CLVS1: variants seen among roughly 807,000 people sequenced by gnomAD.
The protein encoded by CLVS1 is clavesin 1.
Under a neutral mutation model 33.1 loss-of-function variants are expected in CLVS1, and 10 were observed. The observed-to-expected ratio is 0.30, with a 90% CI of 0.19 to 0.51. CLVS1 has a LOEUF of 0.51. CLVS1 is among the 20% of genes least tolerant of loss of function. The pLI, the probability that CLVS1 is intolerant of heterozygous loss-of-function variation, is 0.97. For synonymous variants in CLVS1, 163 were observed against 166.1 expected (o/e 0.98, Z 0.14); for missense variants, 343 against 433.4 (o/e 0.79, Z 1.85).
the CLVS1 span, among the ~76,000 whole-genome samples, chr8:60,989,566 T>C: frequency 6.6e-6 from 1 of 152,202 alleles, no homozygotes; most frequent in South Asian, 2.1e-4. Flanking sequence ...CCTGAAGCTA[T>C]GTGCTATTGC....
intron 2 of CLVS1, among the ~76,000 whole-genome samples, chr8:61,359,517 G>A (rs924902765): frequency 3.3e-5 from 5 of 151,978 alleles, no homozygotes; most frequent in Admixed American, 6.6e-5. Context: ...CATCATGCCC[G>A]GCTAATTTTT....
chr8:61,241,778 C>G (rs1245244361), intron 2 of CLVS1, among the ~76,000 whole-genome samples: 1 of 152,166 alleles, frequency 6.6e-6, no homozygotes, highest in Non-Finnish European at 1.5e-5. Flanking sequence ...TTTCTAAGAT[C>G]TGAGTTTCCT....
At chr8:61,427,436 C>A (rs1377852541) in intron 3 of CLVS1, among the ~76,000 whole-genome samples, 1 of 152,184 alleles carries the variant, frequency 6.6e-6, no homozygotes, top group Non-Finnish European at 1.5e-5. Context: ...GAGAATGAAT[C>A]TCTCCCCTTT....
At chr8:61,070,348 C>A (rs773075005) in intron 1 of CLVS1, among the ~76,000 whole-genome samples, 2 of 152,224 alleles carry the variant, frequency 1.3e-5, no homozygotes, top group African/African-American at 2.4e-5. Flanking sequence ...GGGCTACAGT[C>A]ATGATTCCGA....
At chr8:61,429,162 C>T (rs1816014014) in intron 3 of CLVS1, among the ~76,000 whole-genome samples, 1 of 152,194 alleles carries the variant, frequency 6.6e-6, no homozygotes, top group East Asian at 1.9e-4. Flanking sequence ...TGGCTCATGC[C>T]TGTAATCCCA....
At chr8:60,998,108 G>A in the CLVS1 span, among the ~76,000 whole-genome samples, 5 of 152,136 alleles carry the variant, frequency 3.3e-5, no homozygotes, top group Non-Finnish European at 5.9e-5. Context: ...GTGTGGACTC[G>A]TAGTTGAGTG....
At chr8:61,363,907 T>A (rs1205083785) in intron 2 of CLVS1, among the ~76,000 whole-genome samples, 1 of 152,116 alleles carries the variant, frequency 6.6e-6, no homozygotes, top group African/African-American at 2.4e-5. Context: ...GCGCCATGGG[T>A]GTGTCTGTGG....
chr8:61,070,190 C>A (rs1804767411), intron 1 of CLVS1, among the ~76,000 whole-genome samples: 1 of 152,134 alleles, frequency 6.6e-6, no homozygotes, highest in South Asian at 2.1e-4. Context: ...TGCCTTCTGC[C>A]TATGGCTTAC....
chr8:61,422,174 A>G lies in CLVS1; in HGVS notation c.631-31967A>G, dbSNP rs117573037. ...AGAGTGGATTACATTCAACTTTCTA[A>G]TTAGAAGCAAGAAAAAAAACTTAAA... On this transcript the variant is annotated intron_variant, in intron 3 of 5. Transcript: ENST00000325897. Among the ~76,000 whole-genome samples, 1,327 of 152,108 alleles carry G rather than the reference A, an allele frequency of 8.7e-3. 16 individuals carry two copies. Among genetic ancestry groups the G allele is most frequent in the South Asian group, 0.04 (192 of 4,822 alleles).
At chr8:61,287,285 A>T (rs909235597), upstream of CLVS1, among the ~76,000 whole-genome samples, 1 of 152,174 alleles carries the variant, frequency 6.6e-6, no homozygotes, top group Non-Finnish European at 1.5e-5. Flanking sequence ...TTTATTATGC[A>T]TCCCCATTTC....
chr8:61,234,830 A>G (rs1330617839), intron 2 of CLVS1, among the ~76,000 whole-genome samples: 1 of 152,198 alleles, frequency 6.6e-6, no homozygotes. Context: ...CCTCAGCATA[A>G]CTGGTGTAAT....
At chr8:61,050,843 T>C in the CLVS1 span, among the ~76,000 whole-genome samples, 1 of 152,238 alleles carries the variant, frequency 6.6e-6, no homozygotes. Flanking sequence ...ACCGTATCTC[T>C]GGGCAGCTAT....
intron 2 of CLVS1, among the ~76,000 whole-genome samples, chr8:61,198,257 A>T (rs1406324035): frequency 6.6e-6 from 1 of 152,168 alleles, no homozygotes; most frequent in East Asian, 1.9e-4. Flanking sequence ...TGTTTTTAAT[A>T]TTTAAATTTC....
intron 2 of CLVS1, among the ~76,000 whole-genome samples, chr8:61,376,316 T>C (rs772900899): frequency 6.6e-6 from 1 of 152,156 alleles, no homozygotes; most frequent in African/African-American, 2.4e-5. Flanking sequence ...AAAATGCAAT[T>C]GGGGCTGTGG....
At chr8:61,346,469 A>G (rs1298590921) in intron 2 of CLVS1, among the ~76,000 whole-genome samples, 1 of 152,160 alleles carries the variant, frequency 6.6e-6, no homozygotes, top group East Asian at 1.9e-4. Flanking sequence ...TTAAAGCCTT[A>G]TAGATATGTT....
At chr8:61,170,159 T>G (rs887198119) in intron 2 of CLVS1, among the ~76,000 whole-genome samples, 13 of 152,106 alleles carry the variant, frequency 8.5e-5, no homozygotes, top group Non-Finnish European at 1.6e-4. Context: ...CAATAATTAT[T>G]CACACCATTT....
chr8:61,157,476 C>T (rs1806673220), intron 2 of CLVS1, among the ~76,000 whole-genome samples: 1 of 152,086 alleles, frequency 6.6e-6, no homozygotes. Flanking sequence ...AACTTTGAAG[C>T]TAACCCTATA....
chr8:61,031,779 G>A, the CLVS1 span, among the ~76,000 whole-genome samples: 1 of 152,184 alleles, frequency 6.6e-6, no homozygotes, highest in East Asian at 1.9e-4. Context: ...GATGTCCTCT[G>A]TGGACCATGT....
chr8:61,210,096 C>T (rs1015164432), intron 2 of CLVS1, among the ~76,000 whole-genome samples: 1 of 152,202 alleles, frequency 6.6e-6, no homozygotes, highest in Non-Finnish European at 1.5e-5. Flanking sequence ...CAAAGTGAGA[C>T]ACTCCTGTTA....
Sources: gnomAD v4.1 joint callset for allele counts (sites outside exome capture counted in the v4.1 genomes callset) on GRCh38, gnomAD v4.1.1 for gene constraint, MANE v1.5 for transcripts, NCBI Gene and HGNC (gene_info 2026-07-23, HGNC 2026-07-21) for gene names.